The following ATP10A variants were observed in gnomAD, a reference collection of about 807,000 sequenced individuals.
The protein encoded by ATP10A is ATPase phospholipid transporting 10A (putative).
In ATP10A, 111 loss-of-function variants were observed where a neutral mutation model predicts 147.8. That is an observed-to-expected ratio of 0.75 (90% CI 0.64 to 0.88). ATP10A has a LOEUF of 0.88. Among genes scored for constraint, ATP10A ranks in the 40% least tolerant of loss-of-function variants. ATP10A has a pLI of 0.00. For missense variants in ATP10A, 1,927 were observed against 1,959.0 expected, an observed-to-expected ratio of 0.98 and a Z score of 0.31; for synonymous variants, 875 against 841.6, an observed-to-expected ratio of 1.04 and a Z score of -0.69.
chr15:25,858,129 A>T (rs972325835), intron 1 of ATP10A, among the ~76,000 whole-genome samples: 4 of 152,230 alleles, frequency 2.6e-5, no homozygotes, highest in Admixed American at 2.0e-4. Context: ...AAACATGTGA[A>T]TGGCAATGTG....
Position 25,716,781 on chromosome 15 carries a change from G to A in ATP10A, c.1725C>T (p.Leu575=), listed in dbSNP as rs751285627. The part of the protein sequence containing the change: ...LSDVFDFFIA[L]TICNTVVVTS... ...TGACGACGACTGTGTTGCAGATGGT[G>A]AGTGCGATGAAGAAATCAAAGACGT... The change falls in exon 9 of 21, where the codon CTC becomes CTT. Residue 575 remains leucine, a synonymous_variant. Coordinates refer to ENST00000555815, the MANE Select transcript of ATP10A (RefSeq NM_024490.4). 71 of 1,607,944 alleles carry A rather than the reference G, an allele frequency of 4.4e-5. No individual in the cohort carries two copies. The highest frequency in any genetic ancestry group is 1.6e-4 in the Middle Eastern group (1 of 6,066).
intron 1 of ATP10A, among the ~76,000 whole-genome samples, chr15:25,824,584 C>T (rs1292683302): frequency 7.1e-5 from 10 of 141,586 alleles, no homozygotes; most frequent in African/African-American, 1.9e-4. Context: ...TGCATTTTAA[C>T]GAAACACATT....
upstream of ATP10A, among the ~76,000 whole-genome samples, chr15:25,864,389 G>C (rs575998072): frequency 1.3e-5 from 2 of 152,216 alleles, no homozygotes; most frequent in Non-Finnish European, 1.5e-5. Context: ...GTGGCTGGGC[G>C]GTTGGCCGTG....
chr15:25,730,598 C>A (rs112552425), intron 3 of ATP10A, among the ~76,000 whole-genome samples: 2,331 of 152,214 alleles, frequency 0.015, 60 homozygotes, highest in African/African-American at 0.053. Flanking sequence ...CAAAGATGCA[C>A]CCTTACCAAG....
At chr15:25,709,851 AC>A (rs1449351724) in intron 10 of ATP10A, 7 of 152,328 alleles carry the variant, frequency 4.6e-5, no homozygotes, top group Non-Finnish European at 1.0e-4. Flanking sequence ...ACTGCGGAAT[AC>A]CGAGGCTGGG....
chr15:25,755,442 C>A lies in ATP10A; in HGVS notation c.655-19301G>T, dbSNP rs145709905. Among the ~76,000 whole-genome samples the A allele has an allele frequency of 1.9e-3, 285 of 152,256 alleles. 1 individual carries two copies. The highest frequency in any genetic ancestry group is 6.6e-3 in the African/African-American group (275 of 41,540). ...GCAATGCTGAAACAGCACAAATGAGCTTTTGAAAGCCATTCCCAAAGTGTT... is the reference window on the plus strand; with the variant it reads ...GCAATGCTGAAACAGCACAAATGAGATTTTGAAAGCCATTCCCAAAGTGTT... On this transcript the variant is annotated intron_variant, in intron 2 of 20. Transcript: ENST00000555815.
At chr15:25,707,079 C>T (rs1426294620) in intron 12 of ATP10A, among the ~76,000 whole-genome samples, 1 of 152,146 alleles carries the variant, frequency 6.6e-6, no homozygotes, top group African/African-American at 2.4e-5. Context: ...AATGTGTGGC[C>T]TCCTATAAGA....
intron 13 of ATP10A, among the ~76,000 whole-genome samples, chr15:25,697,383 G>A (rs770192454): frequency 4.6e-5 from 7 of 152,160 alleles, no homozygotes; most frequent in Non-Finnish European, 1.5e-5. Context: ...AAATGCCCAT[G>A]ATACAATCCA....
At chr15:25,782,784 G>T (rs74003891) in intron 1 of ATP10A, among the ~76,000 whole-genome samples, 17,420 of 152,132 alleles carry the variant, frequency 0.11, 1,046 homozygotes, top group Non-Finnish European at 0.13. Context: ...GGCGGTTTTG[G>T]CCATTTTTAA....
At chr15:25,776,644 C>A (rs1490987722) in intron 2 of ATP10A, among the ~76,000 whole-genome samples, 2 of 152,164 alleles carry the variant, frequency 1.3e-5, no homozygotes, top group Non-Finnish European at 2.9e-5. Flanking sequence ...GTTTCTTTTG[C>A]CAGAAGTGAA....
intron 15 of ATP10A, 85 bp downstream of exon 15, chr15:25,691,630 G>A: frequency 7.3e-7 from 1 of 1,372,692 alleles, no homozygotes; most frequent in Non-Finnish European, 1.0e-6. Context: ...AGAGCCCAGA[G>A]GAAGTCGGGG....
Position 25,679,381 on chromosome 15 carries a change from T to A in ATP10A, c.4460A>T (p.His1487Leu). The change falls in exon 21 of 21, where the codon CAC becomes CTC. Residue 1487 changes from histidine to leucine, a missense_variant. Transcript: ENST00000555815. ...TGAAGATGCTCCTATAAGTAGTCTG[T>A]GGTCTGGCCCTTGAAGTCCTGATCG... ...SGRSGLQGPD[H>L]RLLIGASSRR... is the part of the protein sequence containing the mutation. 1 of 1,601,044 alleles carries A rather than the reference T, an allele frequency of 6.2e-7. No individual in the cohort carries two copies. The highest frequency in any genetic ancestry group is 8.6e-7 in the Non-Finnish European group (1 of 1,169,418).
At position 25,739,414 on chromosome 15, in the gene ATP10A, C is replaced by T. The variant is rs75387366; in HGVS notation, c.655-3273G>A. On this transcript the variant is annotated intron_variant, in intron 2 of 20. Coordinates refer to ENST00000555815, the MANE Select transcript of ATP10A (RefSeq NM_024490.4). ...CAGAGTAAAAAATCAGGAGCGAGCCCGGGGACTTAGTGCTAGTTCTTCTGA... is the reference window on the plus strand; with the variant it reads ...CAGAGTAAAAAATCAGGAGCGAGCCTGGGGACTTAGTGCTAGTTCTTCTGA... Among the ~76,000 whole-genome samples the T allele has an allele frequency of 3.2e-3, 482 of 152,252 alleles. 2 individuals are homozygous for T. Among genetic ancestry groups the T allele is most frequent in the Non-Finnish European group, 3.0e-3 (206 of 68,014 alleles).
intron 2 of ATP10A, among the ~76,000 whole-genome samples, chr15:25,741,341 C>T (rs1596797531): frequency 6.6e-6 from 1 of 152,252 alleles, no homozygotes; most frequent in South Asian, 2.1e-4. Context: ...GAGCCCCTGC[C>T]TGCCGCACCA....
chr15:25,841,724 G>T (rs1410985818), intron 1 of ATP10A: 3 of 152,116 alleles, frequency 2.0e-5, no homozygotes, highest in African/African-American at 7.2e-5. Context: ...GATGTTCCTT[G>T]ATATTTTTCA....
At chr15:25,794,235 C>A (rs931272733) in intron 1 of ATP10A, among the ~76,000 whole-genome samples, 1 of 152,166 alleles carries the variant, frequency 6.6e-6, no homozygotes, top group Non-Finnish European at 1.5e-5. Flanking sequence ...TCTCTTGCAA[C>A]AACTTACTGA....
intron 1 of ATP10A, among the ~76,000 whole-genome samples, chr15:25,812,581 G>A (rs1427113776): frequency 6.6e-6 from 1 of 152,024 alleles, no homozygotes; most frequent in Admixed American, 6.6e-5. Flanking sequence ...ATCTACAATC[G>A]ACCTGACTTA....
chr15:25,717,115 C>T (rs1901869401), intron 8 of ATP10A, among the ~76,000 whole-genome samples, 191 bp from the exon 9 acceptor site: 1 of 152,172 alleles, frequency 6.6e-6, no homozygotes, highest in African/African-American at 2.4e-5. Context: ...GAGCTTCTAT[C>T]CACTTTGTGA....
At chr15:25,757,661 G>T (rs1054730107) in intron 2 of ATP10A, among the ~76,000 whole-genome samples, 4 of 152,160 alleles carry the variant, frequency 2.6e-5, no homozygotes, top group Admixed American at 2.0e-4. Context: ...AGTTGAAAAA[G>T]AGTAATTTCT....
Sources: gnomAD v4.1 joint callset for allele counts (sites outside exome capture counted in the v4.1 genomes callset) on GRCh38, gnomAD v4.1.1 for gene constraint, MANE v1.5 for transcripts, NCBI Gene and HGNC (gene_info 2026-07-23, HGNC 2026-07-21) for gene names.